GABRB3: variants seen among roughly 807,000 people sequenced by gnomAD.
The protein encoded by GABRB3 is gamma-aminobutyric acid type A receptor subunit beta3.
Under a neutral mutation model 52.1 loss-of-function variants are expected in GABRB3, and 14 were observed. The observed-to-expected ratio is 0.27, with a 90% CI of 0.18 to 0.42. The LOEUF is 0.42. GABRB3 is among the 10% of genes least tolerant of loss of function. GABRB3 has a pLI of 1.00. For synonymous variants in GABRB3, 260 were observed against 232.3 expected (o/e 1.12, Z -1.08); for missense variants, 307 against 609.1 (o/e 0.50, Z 5.22).
intron 4 of GABRB3, chr15:26,613,150 T>G (rs868197588): frequency 6.5e-6 from 1 of 152,920 alleles, no homozygotes. Flanking sequence ...CAGTGGCTCA[T>G]GCCTGTAATC....
At chr15:26,572,779 G>A (rs556537579) in intron 6 of GABRB3, among the ~76,000 whole-genome samples, 3 of 152,326 alleles carry the variant, frequency 2.0e-5, no homozygotes, top group Admixed American at 6.5e-5. Flanking sequence ...CTGTGTGCCA[G>A]TGCAGACGTG....
At chr15:26,619,765 G>C (rs780369737) in intron 4 of GABRB3, among the ~76,000 whole-genome samples, 1 of 151,574 alleles carries the variant, frequency 6.6e-6, no homozygotes, top group African/African-American at 2.4e-5. Context: ...AAAATTCCTA[G>C]ATTAATTTTT....
intron 4 of GABRB3, among the ~76,000 whole-genome samples, chr15:26,602,226 T>C (rs1289475688): frequency 6.6e-6 from 1 of 152,076 alleles, no homozygotes; most frequent in Admixed American, 6.5e-5. Context: ...TGCAAACATA[T>C]ATGAATCCAA....
intron 3 of GABRB3, among the ~76,000 whole-genome samples, chr15:26,743,941 C>T (rs1467903226): frequency 1.3e-5 from 2 of 151,916 alleles, no homozygotes; most frequent in Non-Finnish European, 1.5e-5. Flanking sequence ...CAACTCTCCC[C>T]GCTAAGTAGG....
intron 3 of GABRB3, among the ~76,000 whole-genome samples, chr15:26,677,818 A>G (rs1052127395): frequency 1.3e-5 from 2 of 152,200 alleles, no homozygotes; most frequent in African/African-American, 4.8e-5. Context: ...TGAAGTTCCC[A>G]TAAGAATTTG....
intron 4 of GABRB3, among the ~76,000 whole-genome samples, chr15:26,592,243 TA>T (rs1732126111): frequency 6.6e-6 from 1 of 152,136 alleles, no homozygotes. Flanking sequence ...AAGTGACAAT[TA>T]GGCGTAACAA....
chr15:26,746,891 G>A (rs1385432466), intron 3 of GABRB3, among the ~76,000 whole-genome samples: 1 of 152,176 alleles, frequency 6.6e-6, no homozygotes, highest in African/African-American at 2.4e-5. Context: ...GGAGGCTGAG[G>A]CAGGAGAATG....
At chr15:26,577,807 T>A (rs527870462) in intron 6 of GABRB3, among the ~76,000 whole-genome samples, 1 of 152,114 alleles carries the variant, frequency 6.6e-6, no homozygotes, top group Non-Finnish European at 1.5e-5. Flanking sequence ...CAACACCCTT[T>A]TTCTGGGGAG....
intron 6 of GABRB3, among the ~76,000 whole-genome samples, chr15:26,572,446 A>G (rs1890442533): frequency 6.6e-6 from 1 of 152,202 alleles, no homozygotes; most frequent in African/African-American, 2.4e-5. Context: ...AGATGCCACG[A>G]GACAGAGACC....
Position 26,570,406 on chromosome 15 carries a change from C to T in GABRB3, c.683-2673G>A, listed in dbSNP as rs138234525. Among the ~76,000 whole-genome samples, 1,411 of 152,310 alleles carry T rather than the reference C, an allele frequency of 9.3e-3. 16 individuals are homozygous for T. Among genetic ancestry groups the T allele is most frequent in the African/African-American group, 0.031 (1,290 of 41,562 alleles). On this transcript the variant is annotated intron_variant, in intron 6 of 8. Transcript: ENST00000311550. ...ATGCACGGGGGCCAGACCCTCCTCG[C>T]GGGCCTCGCCCTCCTGGCTCTGGGC...
At chr15:26,638,875 T>C (rs1232721616) in intron 3 of GABRB3, among the ~76,000 whole-genome samples, 1 of 152,158 alleles carries the variant, frequency 6.6e-6, no homozygotes, top group Non-Finnish European at 1.5e-5. Context: ...GCTGAGCCAC[T>C]GGCAGAGGAA....
intron 4 of GABRB3, among the ~76,000 whole-genome samples, chr15:26,595,305 C>T (rs762663355): frequency 3.8e-4 from 58 of 152,120 alleles, no homozygotes; most frequent in Non-Finnish European, 7.6e-4. Context: ...CATCTGTACA[C>T]AATAATTTGC....
rs560696884 is a variant in GABRB3 at position 26,710,087 on chromosome 15, G to A, written c.240+62315C>T. Among the ~76,000 whole-genome samples, 8 of 152,228 alleles carry A rather than the reference G, an allele frequency of 5.3e-5. No homozygotes were observed. The South Asian group carries it at 1.5e-3, about 28-fold the overall frequency. The stretch of plus-strand genomic sequence containing the variant: ...TTTCACTTAGCATAATGTTCCTTAA[G>A]GTTCATCAATGTGGTTGCATGTACC... On this transcript the variant is annotated intron_variant, in intron 3 of 8. Coordinates refer to ENST00000311550, the MANE Select transcript of GABRB3 (RefSeq NM_000814.6).
chr15:26,765,894 T>A (rs3212338), intron 3 of GABRB3, among the ~76,000 whole-genome samples: 139,570 of 152,296 alleles, frequency 0.92, 64,006 homozygotes, highest in East Asian at 1. Flanking sequence ...GTCCTGTAGC[T>A]TGATGAGGTA....
chr15:26,549,149 C>G (rs939615733), intron 8 of GABRB3, among the ~76,000 whole-genome samples: 2 of 152,224 alleles, frequency 1.3e-5, no homozygotes, highest in African/African-American at 2.4e-5. Flanking sequence ...GAATCTTTCA[C>G]AAAACACAGT....
intron 4 of GABRB3, among the ~76,000 whole-genome samples, chr15:26,606,361 G>A (rs1891793109): frequency 6.6e-6 from 1 of 152,076 alleles, no homozygotes; most frequent in Non-Finnish European, 1.5e-5. Flanking sequence ...ATTCCATGAT[G>A]TGATTATTAT....
chr15:26,766,851 G>A (rs984076944), intron 3 of GABRB3, among the ~76,000 whole-genome samples: 1 of 152,076 alleles, frequency 6.6e-6, no homozygotes, highest in Non-Finnish European at 1.5e-5. Context: ...TCAAGCAAGA[G>A]GCCATCCACA....
chr15:26,594,626 G>C (rs1891329193), intron 4 of GABRB3, among the ~76,000 whole-genome samples: 2 of 152,122 alleles, frequency 1.3e-5, no homozygotes, highest in Non-Finnish European at 2.9e-5. Flanking sequence ...CTCCCCAGTA[G>C]CTGGGACTAC....
At chr15:26,565,528 C>G (rs537683418) in intron 7 of GABRB3, among the ~76,000 whole-genome samples, 1 of 152,166 alleles carries the variant, frequency 6.6e-6, no homozygotes, top group Non-Finnish European at 1.5e-5. Flanking sequence ...ATGCCTTTAT[C>G]CCAGCAAAGC....
Sources: gnomAD v4.1 joint callset for allele counts (sites outside exome capture counted in the v4.1 genomes callset) on GRCh38, gnomAD v4.1.1 for gene constraint, MANE v1.5 for transcripts, NCBI Gene and HGNC (gene_info 2026-07-23, HGNC 2026-07-21) for gene names.